The following PCID2 variants were observed in gnomAD, a reference collection of about 807,000 sequenced individuals.
The protein encoded by PCID2 is PCI domain-containing protein 2.
A neutral mutation model predicts 61.3 loss-of-function variants in PCID2; 41 were observed. That is an observed-to-expected ratio of 0.67 (90% CI 0.52 to 0.87). The LOEUF (loss-of-function observed/expected upper bound fraction) is 0.87, where lower values mean the gene tolerates loss of function less well. PCID2 is among the 40% of genes least tolerant of loss of function. The pLI is 0.00. For synonymous variants in PCID2, 187 were observed against 177.8 expected (o/e 1.05, Z -0.41); for missense variants, 392 against 493.4 (o/e 0.79, Z 1.95).
At position 113,180,062 on chromosome 13, in the gene PCID2, G is replaced by T; in HGVS notation, c.861-20C>A. 6.2e-7 allele frequency: 1 copy of T among 1,613,634 alleles called. No individual in the cohort carries two copies. The highest frequency in any genetic ancestry group is 8.5e-7 in the Non-Finnish European group (1 of 1,179,780). ...CCCTCGCTGGTGAGGGGGGAGGCGCGTCAGAAGGAGGGTGAGTTTCTCACA... is the reference window on the plus strand; with the variant it reads ...CCCTCGCTGGTGAGGGGGGAGGCGCTTCAGAAGGAGGGTGAGTTTCTCACA... On this transcript the variant is annotated intron_variant, in intron 11 of 13. Coordinates refer to ENST00000337344, the MANE Select transcript of PCID2 (RefSeq NM_001127202.4).
the PCID2 span, among the ~76,000 whole-genome samples, chr13:113,165,717 G>A: frequency 6.6e-6 from 1 of 152,090 alleles, no homozygotes. Context: ...TTTTAGTAGA[G>A]ACGGGGTTTC....
intron 7 of PCID2, chr13:113,186,027 CAAAAA>C (rs2038079427): frequency 1.3e-5 from 2 of 153,098 alleles, no homozygotes; most frequent in Non-Finnish European, 2.9e-5. Context: ...TCTCAAAAAA[CAAAAA>C]CAAAAAAAGA....
At chr13:113,172,378 C>G in the PCID2 span, 3 of 461,454 alleles carry the variant, frequency 6.5e-6, no homozygotes, top group East Asian at 4.5e-5. Context: ...ATCTGTCAGT[C>G]ATAAAGCAGC....
chr13:113,179,199 C>A lies in PCID2; in HGVS notation c.987-110G>T. ...GGTGTTCTAAAGGAGTAAAAAAATT[C>A]CCACCTATTAGATAAACTCTAAACT... On this transcript the variant is annotated intron_variant, in intron 12 of 13. Transcript: ENST00000337344. This position sits in a 1 kb window ranked among gnomAD's most constrained non-coding sequence, Gnocchi z 4.3. 1.2e-6 allele frequency: 1 copy of A among 834,580 alleles called. No homozygotes were observed. The allele number at this position is 834,580 out of a possible 1,614,324, so 51.7% of individuals were successfully genotyped here. A position where few individuals can be genotyped will look rare whatever the true frequency, so the allele number is the denominator to read the frequency against.
intron 10 of PCID2, 113 bp downstream of exon 10, chr13:113,181,017 A>G (rs2037586191): frequency 1.4e-6 from 1 of 717,186 alleles, no homozygotes; most frequent in Admixed American, 2.1e-5. Flanking sequence ...GTGCTCATAC[A>G]CAGCTCAGGC....
intron 7 of PCID2, among the ~76,000 whole-genome samples, chr13:113,188,841 G>A (rs2038352374): frequency 6.6e-6 from 1 of 152,074 alleles, no homozygotes; most frequent in Non-Finnish European, 1.5e-5. Flanking sequence ...TTCATGGATG[G>A]GATCCACAAC....
At chr13:113,170,446 T>C in the PCID2 span, 2 of 1,609,070 alleles carry the variant, frequency 1.2e-6, no homozygotes, top group Non-Finnish European at 1.7e-6. Context: ...AAAAGACTTC[T>C]GTGGTGGTGT....
intron 8 of PCID2, among the ~76,000 whole-genome samples, chr13:113,184,836 G>GC (rs2138714252): frequency 6.6e-6 from 1 of 152,078 alleles, no homozygotes; most frequent in South Asian, 2.1e-4. Flanking sequence ...AGGGGGCACA[G>GC]CCCTGCAGGA....
At chr13:113,187,132 A>G (rs1034014296) in intron 7 of PCID2, 5 of 152,210 alleles carry the variant, frequency 3.3e-5, no homozygotes, top group African/African-American at 1.2e-4. Context: ...ACAAATAATA[A>G]TACTGTTCTA....
At chr13:113,204,156 C>T (rs897116630) in intron 1 of PCID2, among the ~76,000 whole-genome samples, 3 of 152,258 alleles carry the variant, frequency 2.0e-5, no homozygotes, top group South Asian at 2.1e-4. Context: ...TGCGATCTCT[C>T]GCACCACCCA....
chr13:113,176,499 T>G (rs992469671), downstream of PCID2, among the ~76,000 whole-genome samples: 1 of 152,306 alleles, frequency 6.6e-6, no homozygotes, highest in African/African-American at 2.4e-5. Flanking sequence ...TGGTGGCACA[T>G]GCCTGTCACC....
chr13:113,180,284 C>T, intron 10 of PCID2, 53 bp from the exon 11 acceptor site: 1 of 1,354,390 alleles, frequency 7.4e-7, no homozygotes, highest in Non-Finnish European at 1.1e-6. Flanking sequence ...CAAAATTGTC[C>T]TTGATAAATA....
chr13:113,190,170 A>T (rs1254079092), intron 7 of PCID2, among the ~76,000 whole-genome samples: 1 of 152,018 alleles, frequency 6.6e-6, no homozygotes, highest in Admixed American at 6.6e-5. Context: ...AAAACATTAA[A>T]TTTTTAAAAA....
At chr13:113,167,479 C>G in the PCID2 span, among the ~76,000 whole-genome samples, 2 of 152,198 alleles carry the variant, frequency 1.3e-5, no homozygotes. Context: ...TGGGCACATG[C>G]TTTATTTCAT....
intron 1 of PCID2, chr13:113,208,042 T>C: frequency 1.2e-6 from 2 of 1,612,836 alleles, no homozygotes; most frequent in Non-Finnish European, 1.7e-6. Flanking sequence ...GAACAACATC[T>C]GTCAGACGCA....
the PCID2 span, chr13:113,172,140 CG>C: frequency 6.2e-7 from 1 of 1,607,592 alleles, no homozygotes; most frequent in African/African-American, 1.3e-5. Context: ...ACAACACAAC[CG>C]GAAGCGGGAT....
At chr13:113,177,005 G>A (rs994052364), downstream of PCID2, among the ~76,000 whole-genome samples, 2 of 152,222 alleles carry the variant, frequency 1.3e-5, no homozygotes, top group Admixed American at 6.5e-5. Flanking sequence ...CCAACTTAGC[G>A]ACTGTCAACC....
chr13:113,181,042 G>T, intron 10 of PCID2, 88 bp downstream of exon 10: 1 of 846,748 alleles, frequency 1.2e-6, no homozygotes, highest in South Asian at 1.4e-5. Context: ...ATCAACTACA[G>T]ACTGTCTGCT....
intron 2 of PCID2, among the ~76,000 whole-genome samples, chr13:113,199,445 T>C (rs1022741978): frequency 5.3e-5 from 8 of 152,224 alleles, no homozygotes; most frequent in Non-Finnish European, 1.0e-4. Flanking sequence ...TGTTTGGTTT[T>C]GTTTACAAAA....
Sources: allele counts gnomAD v4.1 joint callset (sites outside exome capture counted in the v4.1 genomes callset), GRCh38; gene constraint gnomAD v4.1.1; non-coding constraint Gnocchi (gnomAD v3.1); transcripts MANE v1.5; gene names NCBI Gene and HGNC (gene_info 2026-07-23, HGNC 2026-07-21).